The following LRCH3 variants were observed in gnomAD, a reference collection of about 807,000 sequenced individuals.
LRCH3 encodes DISP complex protein LRCH3.
In LRCH3, 68 loss-of-function variants were observed where a neutral mutation model predicts 104.5. That is an observed-to-expected ratio of 0.65 (90% CI 0.54 to 0.80). The LOEUF (loss-of-function observed/expected upper bound fraction) is 0.80. Ranked by LOEUF, LRCH3 falls within the 30% of genes least tolerant of loss-of-function variation. The probability of loss-of-function intolerance (pLI) is 0.00; values close to 1 mark genes in which losing one functional copy is unlikely to be tolerated. For synonymous variants in LRCH3, 344 were observed against 361.3 expected, an observed-to-expected ratio of 0.95 and a Z score of 0.54; for missense variants, 951 against 953.9, an observed-to-expected ratio of 1.00 and a Z score of 0.04.
chr3:197,849,217 T>C (rs1739208612), intron 12 of LRCH3, among the ~76,000 whole-genome samples: 1 of 137,502 alleles, frequency 7.3e-6, no homozygotes, highest in African/African-American at 2.8e-5. Flanking sequence ...TGAGCTGAGA[T>C]CGTACCACTG....
intron 1 of LRCH3, among the ~76,000 whole-genome samples, chr3:197,792,912 A>G (rs1730784392): frequency 6.6e-6 from 1 of 151,880 alleles, no homozygotes; most frequent in Non-Finnish European, 1.5e-5. Context: ...TCGGCCTCCC[A>G]AAGTGCTGGG....
At chr3:197,852,722 C>T (rs939298170) in intron 13 of LRCH3, 102 bp downstream of exon 13, 2 of 1,224,528 alleles carry the variant, frequency 1.6e-6, no homozygotes, top group Admixed American at 3.7e-5. Flanking sequence ...GGAATATTGC[C>T]ATTTTTCTTT....
chr3:197,856,537 C>A lies in LRCH3; in HGVS notation c.1644+2092C>A, dbSNP rs2109439282. ...GAGTAGCTGGGACTACGGGTGCATGCACCACACGTGGCTAATTTTTTTATT... is the reference window on the plus strand; with the variant it reads ...GAGTAGCTGGGACTACGGGTGCATGAACCACACGTGGCTAATTTTTTTATT... On this transcript the variant is annotated intron_variant, in intron 14 of 20. Coordinates refer to ENST00000425562, the MANE Select transcript of LRCH3 (RefSeq NM_001365715.1). The surrounding 1 kb of genome is among the most constrained non-coding windows in gnomAD (Gnocchi z 4.2). 6.6e-6 allele frequency among the ~76,000 whole-genome samples: 1 copy of A among 152,122 alleles called. No homozygotes were observed. The highest frequency in any genetic ancestry group is 1.5e-5 in the Non-Finnish European group (1 of 67,988).
chr3:197,838,410 T>C (rs1351576360), intron 9 of LRCH3, among the ~76,000 whole-genome samples: 2 of 152,258 alleles, frequency 1.3e-5, no homozygotes, highest in Admixed American at 6.5e-5. Context: ...CAAAAGTTTC[T>C]AATGATGTGT....
At chr3:197,875,284 A>G (rs1486312763) in intron 19 of LRCH3, among the ~76,000 whole-genome samples, 1 of 152,214 alleles carries the variant, frequency 6.6e-6, no homozygotes, top group Non-Finnish European at 1.5e-5. Flanking sequence ...ATCCTTTAAA[A>G]AAAAGTTCGC....
At chr3:197,880,061 T>C (rs1402802238) in intron 20 of LRCH3, among the ~76,000 whole-genome samples, 1 of 150,944 alleles carries the variant, frequency 6.6e-6, no homozygotes. Context: ...TTCTCCTGCC[T>C]CAGCCTCCCG....
chr3:197,870,426 C>A (rs986738478), intron 18 of LRCH3, 148 bp downstream of exon 18: 22 of 730,704 alleles, frequency 3.0e-5, no homozygotes, highest in Admixed American at 5.7e-5. Flanking sequence ...AGTTCAGTGG[C>A]ATGATCCTGG....
intron 10 of LRCH3, among the ~76,000 whole-genome samples, chr3:197,841,925 C>T (rs1360061499): frequency 4.6e-5 from 7 of 152,212 alleles, no homozygotes; most frequent in African/African-American, 1.7e-4. Context: ...CTCTACCTCC[C>T]AGGCTCAAGC....
At chr3:197,850,657 T>C (rs989017725) in intron 12 of LRCH3, 1 of 1,545,008 alleles carries the variant, frequency 6.5e-7, no homozygotes, top group African/African-American at 1.4e-5. Flanking sequence ...TCAGCATCAC[T>C]CTCTGCATTT....
intron 1 of LRCH3, among the ~76,000 whole-genome samples, chr3:197,809,309 A>G (rs1285684891): frequency 6.6e-6 from 1 of 151,612 alleles, no homozygotes; most frequent in Admixed American, 6.6e-5. Flanking sequence ...AAAAAAAAAA[A>G]GGACTTTTTT....
At chr3:197,865,593 T>C in intron 16 of LRCH3, 122 bp downstream of exon 16, 1 of 546,448 alleles carries the variant, frequency 1.8e-6, no homozygotes, top group Non-Finnish European at 3.0e-6. Context: ...CTCAAACTCC[T>C]GGGCTCAAGG....
At position 197,835,356 on chromosome 3, in the gene LRCH3, G is replaced by A. The variant is rs751388914; in HGVS notation, c.1103-318G>A. On this transcript the variant is annotated intron_variant, in intron 8 of 20. Transcript: ENST00000425562. ...GTGCCACTAAGCCCAGCTAATTTTT[G>A]TATTTTTAGTAGAGACGGGATTTCA... 2.6e-3 allele frequency among the ~76,000 whole-genome samples: 391 copies of A among 151,658 alleles called. 8 individuals carry two copies. The highest frequency in any genetic ancestry group is 1.2e-3 in the Non-Finnish European group (79 of 67,884).
chr3:197,881,575 T>G (rs1457284886), intron 20 of LRCH3: 1 of 985,300 alleles, frequency 1.0e-6, no homozygotes, highest in African/African-American at 1.7e-5. Context: ...GCAGGAGAAG[T>G]ATTAGGGCAG....
At chr3:197,826,787 A>G (rs893141184) in intron 4 of LRCH3, 91 bp from the exon 5 acceptor site, 29 of 1,455,472 alleles carry the variant, frequency 2.0e-5, no homozygotes, top group African/African-American at 1.1e-4. Flanking sequence ...GTAAATATCT[A>G]TGTTAAAATC....
chr3:197,880,674 ACT>A lies in LRCH3; in HGVS notation c.2209-2862_2209-2861del, dbSNP rs1226020509. On this transcript the variant is annotated intron_variant, in intron 20 of 20. Transcript: ENST00000425562. ...GGCATTTTACTGTACTGTGATGTTA[ACT>A]CTCTGTGTGCTTTATTACTGGCTCT... is the stretch of plus-strand genomic sequence containing the variant. The A allele has an allele frequency of 7.8e-6, 12 of 1,536,620 alleles. No individual in the cohort carries two copies. In the Admixed American group the frequency reaches 7.8e-5, roughly 10 times the overall value.
chr3:197,880,017 C>T (rs1424770207), intron 20 of LRCH3, among the ~76,000 whole-genome samples: 2 of 150,814 alleles, frequency 1.3e-5, no homozygotes, highest in East Asian at 3.9e-4. Context: ...GCGATCTCGG[C>T]TCACTGCAAG....
chr3:197,820,435 GA>G lies in LRCH3; in HGVS notation c.640+8del. On this transcript the variant is annotated splice_donor_region_variant and intron_variant, in intron 4 of 20. Coordinates refer to ENST00000425562, the MANE Select transcript of LRCH3 (RefSeq NM_001365715.1). ...ACCTAGTACATTTGCCTGAAGGTAA[GA>G]AACTATGAAATAAGAAACCATGAAA... 1 of 1,476,994 alleles carries G rather than the reference GA, an allele frequency of 6.8e-7. No homozygotes were observed. Among genetic ancestry groups the G allele is most frequent in the Non-Finnish European group, 9.4e-7 (1 of 1,060,616 alleles). The allele number at this position is 1,476,994 out of a possible 1,614,324, so 91.5% of individuals were successfully genotyped here.
chr3:197,850,108 A>G (rs1739365049), intron 12 of LRCH3, among the ~76,000 whole-genome samples: 1 of 152,184 alleles, frequency 6.6e-6, no homozygotes. Flanking sequence ...GAGGAAATCT[A>G]AACAGGATGG....
At chr3:197,831,168 G>C (rs959327491) in intron 7 of LRCH3, 1 of 261,446 alleles carries the variant, frequency 3.8e-6, no homozygotes, top group East Asian at 9.4e-5. Context: ...GGGTAATCTC[G>C]AGCAGAGGTG....
Sources: gnomAD v4.1 joint callset for allele counts (sites outside exome capture counted in the v4.1 genomes callset) on GRCh38, gnomAD v4.1.1 for gene constraint, Gnocchi (gnomAD v3.1) non-coding constraint, MANE v1.5 for transcripts, NCBI Gene and HGNC (gene_info 2026-07-23, HGNC 2026-07-21) for gene names.